The following BIRC5 variants were observed in gnomAD, a reference collection of about 807,000 sequenced individuals.
BIRC5 encodes the protein baculoviral IAP repeat-containing protein 5.
Under a neutral mutation model 15.8 loss-of-function variants are expected in BIRC5, and 8 were observed. The ratio of observed to expected loss-of-function variants is 0.51; its 90% CI spans 0.30 to 0.91. The LOEUF (loss-of-function observed/expected upper bound fraction) is 0.91. Among genes scored for constraint, BIRC5 ranks in the 40% least tolerant of loss-of-function variants. BIRC5 has a pLI of 0.07. For synonymous variants in BIRC5, 56 were observed against 64.5 expected, an observed-to-expected ratio of 0.87 and a Z score of 0.63; for missense variants, 163 against 178.6, an observed-to-expected ratio of 0.91 and a Z score of 0.50.
intron 2 of BIRC5, 68 bp from the exon 3 acceptor site, chr17:78,216,596 C>CCCGTGGGGAGTGGACTG: frequency 7.3e-7 from 1 of 1,373,626 alleles, no homozygotes; most frequent in Non-Finnish European, 1.0e-6. Context: ...GGGGAGGTGG[C>CCCGTGGGGAGTGGACTG]CCGTGGGGAG....
Sources: gnomAD v4.1 joint callset for allele counts on GRCh38, gnomAD v4.1.1 for gene constraint, MANE v1.5 for transcripts, NCBI Gene and HGNC (gene_info 2026-07-23, HGNC 2026-07-21) for gene names.